OARD1: variants seen among roughly 807,000 people sequenced by gnomAD.
The protein encoded by OARD1 is ADP-ribose glycohydrolase OARD1.
A neutral mutation model predicts 19.7 loss-of-function variants in OARD1; 19 were observed. The ratio of observed to expected loss-of-function variants is 0.96; its 90% CI spans 0.67 to 1.41. The LOEUF (loss-of-function observed/expected upper bound fraction) is 1.41, where lower values mean the gene tolerates loss of function less well. Among genes scored for constraint, OARD1 ranks in the 40% most tolerant of loss-of-function variants. OARD1 has a pLI of 0.00. For synonymous variants in OARD1, 70 were observed against 61.8 expected (o/e 1.13, Z -0.62); for missense variants, 190 against 183.8 (o/e 1.03, Z -0.20).
At chr6:41,088,180 T>A (rs764928971) in intron 1 of OARD1, among the ~76,000 whole-genome samples, 52 of 151,782 alleles carry the variant, frequency 3.4e-4, no homozygotes, top group Non-Finnish European at 5.4e-4. Context: ...GCACTTTGGG[T>A]GGCCGAGGCG....
intron 1 of OARD1, chr6:41,091,493 GT>G: frequency 1.2e-6 from 2 of 1,607,300 alleles, no homozygotes; most frequent in South Asian, 1.1e-5. Context: ...CTGTGTGCCT[GT>G]TTTTTGTTTG....
rs1181433484 is a variant in OARD1, at chr6:41,070,730, AC to A, written c.184+401del. The A allele has an allele frequency of 1.7e-5, 6 of 355,422 alleles. No individual in the cohort carries two copies. In the East Asian group the frequency reaches 3.5e-4, roughly 21 times the overall value. The allele number at this position is 355,422 out of a possible 1,614,324, so 22.0% of individuals were successfully genotyped here. A position where few individuals can be genotyped will look rare whatever the true frequency, so the allele number is the denominator to read the frequency against. On this transcript the variant is annotated intron_variant, in intron 3 of 5. Coordinates refer to ENST00000424266, the MANE Select transcript of OARD1 (RefSeq NM_001329686.2). ...GAAGCTTTACATAGGATTCTAGTGC[AC>A]ATTTCTGGTTTAAAGTGGCCCGTAG... is the stretch of plus-strand genomic sequence containing the variant.
chr6:41,094,989 C>G (rs969178003), intron 1 of OARD1, among the ~76,000 whole-genome samples: 2 of 151,998 alleles, frequency 1.3e-5, no homozygotes, highest in Admixed American at 6.5e-5. Flanking sequence ...TTTTTCCCTT[C>G]TAACTGATGT....
At chr6:41,086,315 G>A (rs1051473242) in intron 1 of OARD1, among the ~76,000 whole-genome samples, 1 of 152,080 alleles carries the variant, frequency 6.6e-6, no homozygotes, top group Non-Finnish European at 1.5e-5. Context: ...ATGATATCTA[G>A]GGTTCATTCT....
chr6:41,073,328 G>GGGCTCCGACCCTCGC (rs1052813766), upstream of OARD1, among the ~76,000 whole-genome samples: 3 of 151,746 alleles, frequency 2.0e-5, no homozygotes, highest in African/African-American at 7.3e-5. Context: ...AGGCACCTCG[G>GGGCTCCGACCCTCGC]GGCTCCGACC....
Position 41,070,092 on chromosome 6 carries a change from C to A in OARD1, c.227G>T (p.Arg76Leu). 1 of 1,589,288 alleles carries A rather than the reference C, an allele frequency of 6.3e-7. No individual in the cohort carries two copies. The highest frequency in any genetic ancestry group is 8.6e-7 in the Non-Finnish European group (1 of 1,157,882). Residue 76 changes from arginine to leucine, a missense_variant, in exon 4 of 6, where the codon CGA (arginine) becomes CTA (leucine). Physicochemically the swap from Arg to Leu is moderately radical, Grantham distance 102 (BLOSUM62 -2). Coordinates refer to ENST00000424266, the MANE Select transcript of OARD1 (RefSeq NM_001329686.2). The part of the protein sequence containing the change: ...GEVAVLKRDG[R>L]YIYYLITKKR... ...CCATCTTACCAAGTAATATATATATCGCCCATCTCTCTTCAGAACAGCCAC... is the reference window on the plus strand; with the variant it reads ...CCATCTTACCAAGTAATATATATATAGCCCATCTCTCTTCAGAACAGCCAC...
At chr6:41,071,940 C>T in intron 1 of OARD1, 1 of 407,046 alleles carries the variant, frequency 2.5e-6, no homozygotes. Context: ...ATCCCTAAGA[C>T]ACGCCTCCTC....
chr6:41,068,780 G>A, intron 5 of OARD1, 61 bp downstream of exon 5: 4 of 939,682 alleles, frequency 4.3e-6, no homozygotes, highest in East Asian at 2.7e-5. Flanking sequence ...TTTGTCTTTG[G>A]GTAAGATAGT....
chr6:41,095,729 C>G (rs1764335018), intron 1 of OARD1, among the ~76,000 whole-genome samples: 1 of 152,280 alleles, frequency 6.6e-6, no homozygotes, highest in East Asian at 1.9e-4. Context: ...TTGCACTTGG[C>G]CCTTTTCTTT....
At chr6:41,079,837 T>G (rs1763858344) in intron 1 of OARD1, among the ~76,000 whole-genome samples, 1 of 152,242 alleles carries the variant, frequency 6.6e-6, no homozygotes, top group African/African-American at 2.4e-5. Flanking sequence ...TTGGAAATAC[T>G]TTGTTTTCAA....
In OARD1 at chr6:41,084,458, A is replaced by G. The variant is rs76875019; in HGVS notation, c.-41-12783T>C. On this transcript the variant is annotated intron_variant, in intron 1 of 4. Coordinates refer to the OARD1 transcript ENST00000480585. ...GAGGTTAGAATCTAGTTTATAGTAT[A>G]TTTTATTTTAAAAGAAACAAAAATG... Among the ~76,000 whole-genome samples the G allele has an allele frequency of 2.8e-3, 421 of 152,336 alleles. 6 individuals carry two copies. In the South Asian group the frequency reaches 0.037, roughly 13 times the overall value.
chr6:41,068,818 T>C (rs1763162377), intron 5 of OARD1, 23 bp downstream of exon 5: 1 of 1,277,730 alleles, frequency 7.8e-7, no homozygotes, highest in Non-Finnish European at 1.1e-6. Context: ...TAAATCTCCA[T>C]TTAGGACCAT....
intron 1 of OARD1, chr6:41,090,140 C>A: frequency 1.8e-6 from 2 of 1,103,454 alleles, no homozygotes; most frequent in Non-Finnish European, 2.7e-6. Flanking sequence ...TTTTTAAGGA[C>A]TACATCGTTC....
At chr6:41,081,923 G>A (rs556639652) in intron 1 of OARD1, among the ~76,000 whole-genome samples, 1 of 152,284 alleles carries the variant, frequency 6.6e-6, no homozygotes, top group East Asian at 1.9e-4. Context: ...CCTAAATTGG[G>A]TTCTAATTTG....
intron 1 of OARD1, among the ~76,000 whole-genome samples, chr6:41,085,244 A>G (rs1156928537): frequency 6.6e-6 from 1 of 152,240 alleles, no homozygotes; most frequent in African/African-American, 2.4e-5. Flanking sequence ...GAAAAGCATC[A>G]ATAGTAGGGG....
chr6:41,077,470 A>AT (rs1474425899), upstream of OARD1, among the ~76,000 whole-genome samples: 1 of 152,066 alleles, frequency 6.6e-6, no homozygotes, highest in Non-Finnish European at 1.5e-5. Context: ...TCTTTTGGAG[A>AT]TTTTATATAA....
Position 41,067,434 on chromosome 6 carries a change from A to G in OARD1, c.360T>C (p.Ile120=). The G allele has an allele frequency of 6.2e-7, 1 of 1,609,682 alleles. No individual in the cohort carries two copies. Among genetic ancestry groups the G allele is most frequent in the East Asian group, 2.2e-5 (1 of 44,834 alleles). Residue 120 remains isoleucine (I), a synonymous_variant, in exon 6 of 6, where the codon ATT becomes ATC. Transcript: ENST00000424266. ...NGVTDLSMPR[I]GCGLDRLQWE... is the part of the protein sequence containing the mutation. ...ATTGCAGACGATCAAGACCACATCC[A>G]ATCCTGAAAAAGACAAAATATCTCC...
chr6:41,071,094 A>T (rs1389381967), intron 3 of OARD1, 38 bp downstream of exon 3: 1 of 1,606,524 alleles, frequency 6.2e-7, no homozygotes, highest in Admixed American at 1.7e-5. Flanking sequence ...AAGGTGCTCT[A>T]GCCAGGGCAA....
At chr6:41,072,619 CA>C (rs970063524), upstream of OARD1, 1 of 152,380 alleles carries the variant, frequency 6.6e-6, no homozygotes. Flanking sequence ...GAAACTGCCC[CA>C]CGAGTCGGGA....
Sources: allele counts gnomAD v4.1 joint callset (sites outside exome capture counted in the v4.1 genomes callset), GRCh38; gene constraint gnomAD v4.1.1; transcripts MANE v1.5; gene names NCBI Gene and HGNC (gene_info 2026-07-23, HGNC 2026-07-21).